HACD4: variants seen among roughly 807,000 people sequenced by gnomAD.
HACD4 encodes very-long-chain (3R)-3-hydroxyacyl-CoA dehydratase 4.
HACD4 carries 35 observed loss-of-function variants against 33.3 expected under a neutral mutation model. That is an observed-to-expected ratio of 1.05 (90% CI 0.80 to 1.39). The LOEUF is 1.39. HACD4 is among the 40% of genes most tolerant of loss of function. HACD4 has a pLI of 0.00. For missense variants in HACD4, 323 were observed against 276.5 expected, an observed-to-expected ratio of 1.17 and a Z score of -1.19; for synonymous variants, 118 against 98.0, an observed-to-expected ratio of 1.20 and a Z score of -1.21.
At chr9:21,007,247 G>A in intron 6 of HACD4, 128 bp from the exon 7 acceptor site, 3 of 631,540 alleles carry the variant, frequency 4.8e-6, no homozygotes, top group Non-Finnish European at 8.5e-6. Context: ...GGAGATGTGA[G>A]AAGGAATGTT....
chr9:21,029,344 G>T lies in HACD4; in HGVS notation c.93C>A (p.His31Gln), dbSNP rs1022060133. The change falls in exon 2 of 7, where the codon CAC (histidine) becomes CAA (glutamine). Residue 31 changes from histidine (H) to glutamine (Q), a missense_variant. His to Gln is a conservative substitution (Grantham distance 24). Transcript: ENST00000495827. Reference protein sequence around the residue: ...FIYYLIQFCGHSWIFTNMTVR... With the variant: ...FIYYLIQFCGQSWIFTNMTVR... ...CTGTCATATTTGTAAATATCCAAGA[G>T]TGGCCACAGAACTGGATTAAGTAAT... The T allele has an allele frequency of 6.2e-7, 1 of 1,603,002 alleles. No homozygotes were observed. The highest frequency in any genetic ancestry group is 2.2e-5 in the East Asian group (1 of 44,744).
At position 21,003,833 on chromosome 9, in the gene HACD4, A is replaced by G. The variant is rs1399973468; in HGVS notation, c.*3204T>C. 1 of 152,208 alleles carries G rather than the reference A, an allele frequency of 6.6e-6. No homozygotes were observed. Among genetic ancestry groups the G allele is most frequent in the Non-Finnish European group, 1.5e-5 (1 of 68,036 alleles). The allele number at this position is 152,208 out of a possible 1,614,324, so 9.4% of individuals were successfully genotyped here. ...TGTAAGGACATATGACTTACATTAC[A>G]GTAATTAGCAACAATTCAGTAATAA... is the stretch of plus-strand genomic sequence containing the variant. On this transcript the variant is annotated 3_prime_UTR_variant, in exon 7 of 7. Transcript: ENST00000495827.
intron 5 of HACD4, among the ~76,000 whole-genome samples, chr9:21,010,978 A>G (rs1054731123): frequency 1.3e-5 from 2 of 152,132 alleles, no homozygotes; most frequent in African/African-American, 4.8e-5. Flanking sequence ...ATACAGATGA[A>G]GCTTCACCTG....
intron 5 of HACD4, among the ~76,000 whole-genome samples, chr9:21,011,260 A>T (rs2132771539): frequency 6.6e-6 from 1 of 152,340 alleles, no homozygotes; most frequent in Non-Finnish European, 1.5e-5. Context: ...ATTAAAAGTT[A>T]AAAATCATAG....
At position 21,008,062 on chromosome 9, in the gene HACD4, A is replaced by G; in HGVS notation, c.575T>C (p.Phe192Ser). 1 of 1,611,904 alleles carries G rather than the reference A, an allele frequency of 6.2e-7. No individual in the cohort carries two copies. The highest frequency in any genetic ancestry group is 1.1e-5 in the South Asian group (1 of 90,684). Reference protein sequence around the residue: ...TKLPFDLSIYFPYVLKIYLMM... With the variant: ...TKLPFDLSIYSPYVLKIYLMM... ...GAGATATATTTTCAGCACATATGGG[A>G]AATAGATGGATAAGTCAAAGGGCAG... The change falls in exon 6 of 7, where the codon TTC becomes TCC. Residue 192 changes from phenylalanine to serine, a missense_variant. Physicochemically the swap from Phe to Ser is radical, Grantham distance 155 (BLOSUM62 -2). Transcript: ENST00000495827.
At chr9:21,008,724 A>G (rs530647316) in intron 5 of HACD4, among the ~76,000 whole-genome samples, 2 of 152,190 alleles carry the variant, frequency 1.3e-5, no homozygotes, top group South Asian at 2.1e-4. Flanking sequence ...GGTAAAAAAA[A>G]GATTAAAGTT....
At chr9:21,026,837 C>G in intron 2 of HACD4, 114 bp from the exon 3 acceptor site, 1 of 844,462 alleles carries the variant, frequency 1.2e-6, no homozygotes, top group Non-Finnish European at 1.9e-6. Context: ...TTTCATTGTA[C>G]ATGTGAAAAA....
At position 21,000,633 on chromosome 9, in the gene HACD4, A is replaced by G. The variant is rs981797697; in HGVS notation, c.*6404T>C. The stretch of plus-strand genomic sequence containing the variant: ...AACCATGTCATATCAACATTAGCAT[A>G]TAACTCAGACCGAGAAGAATATTAA... On this transcript the variant is annotated 3_prime_UTR_variant, in exon 7 of 7. Coordinates refer to ENST00000495827, the MANE Select transcript of HACD4 (RefSeq NM_001010915.5). 3 of 152,172 alleles carry G rather than the reference A, an allele frequency of 2.0e-5. No individual in the cohort carries two copies. The highest frequency in any genetic ancestry group is 7.2e-5 in the African/African-American group (3 of 41,460). 9.4% of individuals were successfully genotyped at this position (152,172 alleles called of 1,614,324 possible).
chr9:21,025,042 T>C (rs930727657), intron 3 of HACD4, among the ~76,000 whole-genome samples: 3 of 152,166 alleles, frequency 2.0e-5, no homozygotes, highest in Admixed American at 6.5e-5. Context: ...CCAGATACTA[T>C]GTTGCTGTTG....
chr9:21,015,866 C>A (rs1401452713), intron 4 of HACD4, 32 bp downstream of exon 4: 1 of 1,418,990 alleles, frequency 7.0e-7, no homozygotes, highest in East Asian at 2.3e-5. Flanking sequence ...AGCAATTTAG[C>A]CTTGTTTTAA....
Position 21,006,916 on chromosome 9 carries a change from T to G in HACD4, c.*121A>C. The G allele has an allele frequency of 1.4e-6, 1 of 721,814 alleles. No individual in the cohort carries two copies. The highest frequency in any genetic ancestry group is 2.5e-6 in the Non-Finnish European group (1 of 395,554). The allele number at this position is 721,814 out of a possible 1,614,324, so 44.7% of individuals were successfully genotyped here. ...AGAGTTTTGGGGGTATGTGCAGTTA[T>G]TTCATGTAATGGATTTTTATCAAAT... On this transcript the variant is annotated 3_prime_UTR_variant, in exon 7 of 7. Coordinates refer to ENST00000495827, the MANE Select transcript of HACD4 (RefSeq NM_001010915.5). The surrounding 1 kb of genome is among the most constrained non-coding windows in gnomAD (Gnocchi z 4.6).
At chr9:21,022,214 C>T (rs1026405719) in intron 3 of HACD4, among the ~76,000 whole-genome samples, 12 of 152,180 alleles carry the variant, frequency 7.9e-5, no homozygotes, top group African/African-American at 2.9e-4. Context: ...AAACCTTATA[C>T]AAAAATTAAT....
chr9:21,027,968 C>G (rs1294478878), intron 2 of HACD4, among the ~76,000 whole-genome samples: 2 of 151,734 alleles, frequency 1.3e-5, no homozygotes, highest in African/African-American at 4.8e-5. Context: ...AACCCCGTGT[C>G]TACTGAAAAT....
At chr9:21,030,303 G>C (rs568962459) in intron 1 of HACD4, among the ~76,000 whole-genome samples, 1 of 148,222 alleles carries the variant, frequency 6.7e-6, no homozygotes, top group Non-Finnish European at 1.5e-5. Flanking sequence ...ATGTGGTAAC[G>C]TATGCCTGTA....
chr9:21,011,439 C>A (rs758105933), intron 5 of HACD4, 150 bp downstream of exon 5: 1 of 638,920 alleles, frequency 1.6e-6, no homozygotes, highest in South Asian at 1.7e-5. Context: ...AACTTTGCCT[C>A]TTTGCATCAA....
At position 21,006,951 on chromosome 9, in the gene HACD4, T is replaced by G; in HGVS notation, c.*86A>C. 1.2e-6 allele frequency: 1 copy of G among 828,104 alleles called. No homozygotes were observed. The highest frequency in any genetic ancestry group is 2.1e-6 in the Non-Finnish European group (1 of 470,694). The allele number at this position is 828,104 out of a possible 1,614,324, so 51.3% of individuals were successfully genotyped here. On this transcript the variant is annotated 3_prime_UTR_variant, in exon 7 of 7. Transcript: ENST00000495827. This position sits in a 1 kb window ranked among gnomAD's most constrained non-coding sequence, Gnocchi z 4.6. The stretch of plus-strand genomic sequence containing the variant: ...TGGATTTTTATCAAATACAAGGTAT[T>G]TTTCCACCAGAATACTTCCTGTGTT...
At chr9:21,023,882 C>T (rs1458469025) in intron 3 of HACD4, among the ~76,000 whole-genome samples, 1 of 152,156 alleles carries the variant, frequency 6.6e-6, no homozygotes, top group Non-Finnish European at 1.5e-5. Flanking sequence ...GCCCACTTAA[C>T]TATCTCTTGA....
At chr9:21,014,864 G>A (rs1436123893) in intron 4 of HACD4, among the ~76,000 whole-genome samples, 1 of 152,104 alleles carries the variant, frequency 6.6e-6, no homozygotes, top group Non-Finnish European at 1.5e-5. Flanking sequence ...ACTTCTTTCA[G>A]TGCAAATGTT....
At chr9:21,027,279 C>CCT (rs1818086296) in intron 2 of HACD4, among the ~76,000 whole-genome samples, 1 of 152,076 alleles carries the variant, frequency 6.6e-6, no homozygotes, top group Admixed American at 6.5e-5. Context: ...GGAACTTGGG[C>CCT]CTCTGATCAG....
Sources: gnomAD v4.1 joint callset for allele counts (sites outside exome capture counted in the v4.1 genomes callset) on GRCh38, gnomAD v4.1.1 for gene constraint, Gnocchi (gnomAD v3.1) non-coding constraint, MANE v1.5 for transcripts, NCBI Gene and HGNC (gene_info 2026-07-23, HGNC 2026-07-21) for gene names.